Variants in SPIRE2 observed in about 807,000 individuals in gnomAD.
The protein encoded by SPIRE2 is spire type actin nucleation factor 2.
In SPIRE2, 76 loss-of-function variants were observed where a neutral mutation model predicts 80.7. The ratio of observed to expected loss-of-function variants is 0.94; its 90% CI spans 0.78 to 1.14. The LOEUF (loss-of-function observed/expected upper bound fraction) is 1.14, where lower values mean the gene tolerates loss of function less well. Among genes scored for constraint, SPIRE2 ranks in the 50% most tolerant of loss-of-function variants. SPIRE2 has a pLI of 0.00. For synonymous variants in SPIRE2, 535 were observed against 432.6 expected, an observed-to-expected ratio of 1.24 and a Z score of -2.94; for missense variants, 1,196 against 1,015.3, an observed-to-expected ratio of 1.18 and a Z score of -2.42.
At chr16:89,862,193 C>T (rs61607766) in intron 10 of SPIRE2, 24,954 of 151,736 alleles carry the variant, frequency 0.16, 3,075 homozygotes, top group East Asian at 0.63. Context: ...TTAGTAGAGA[C>T]GGGGTTTCAT....
At chr16:89,860,542 G>C (rs2041733610) in intron 9 of SPIRE2, 141 bp from the exon 10 acceptor site, 1 of 610,920 alleles carries the variant, frequency 1.6e-6, no homozygotes, top group South Asian at 1.9e-5. Context: ...TGCCCGTGTA[G>C]CTACTGCCCG....
intron 12 of SPIRE2, 108 bp from the exon 13 acceptor site, chr16:89,868,081 G>A (rs942023644): frequency 3.3e-6 from 4 of 1,216,256 alleles, no homozygotes; most frequent in Admixed American, 3.4e-5. Flanking sequence ...TCAGGCAGAA[G>A]GCAAGGATGG....
Position 89,863,957 on chromosome 16 carries a change from T to C in SPIRE2, c.1778+96T>C. ...ACAGAACTTCCTGTGATTCCAGGAA[T>C]GTTCTAGCATGTTCGATGGCTGATG... On this transcript the variant is annotated intron_variant, in intron 12 of 14. Transcript: ENST00000378247. The surrounding 1 kb of genome is among the most constrained non-coding windows in gnomAD (Gnocchi z 4.3). The C allele has an allele frequency of 1.2e-6, 1 of 857,606 alleles. No homozygotes were observed. Among genetic ancestry groups the C allele is most frequent in the Middle Eastern group, 2.3e-4 (1 of 4,292 alleles). 53.1% of individuals were successfully genotyped at this position (857,606 alleles called of 1,614,324 possible).
At chr16:89,858,909 G>C (rs892805466) in intron 8 of SPIRE2, among the ~76,000 whole-genome samples, 7 of 152,254 alleles carry the variant, frequency 4.6e-5, no homozygotes, top group Non-Finnish European at 1.0e-4. Context: ...TGATGGCCTT[G>C]TTGGGGGCCA....
At chr16:89,869,098 A>C (rs2041816816) in intron 13 of SPIRE2, among the ~76,000 whole-genome samples, 1 of 130,372 alleles carries the variant, frequency 7.7e-6, no homozygotes, top group Non-Finnish European at 1.6e-5. Flanking sequence ...GCCTCAGTTC[A>C]GAAGCAAAAC....
intron 1 of SPIRE2, among the ~76,000 whole-genome samples, chr16:89,833,753 C>T (rs2041411501): frequency 6.6e-6 from 1 of 152,216 alleles, no homozygotes; most frequent in South Asian, 2.1e-4. Context: ...CCTTGGGGAG[C>T]AGCACGTGTG....
chr16:89,864,347 G>A (rs1245464241), intron 12 of SPIRE2, among the ~76,000 whole-genome samples: 2 of 152,156 alleles, frequency 1.3e-5, no homozygotes, highest in Non-Finnish European at 2.9e-5. Context: ...AAGCCTCAGA[G>A]AAGGTCCCCC....
intron 13 of SPIRE2, 92 bp from the exon 14 acceptor site, chr16:89,869,475 G>C: frequency 1.2e-6 from 1 of 822,222 alleles, no homozygotes; most frequent in Non-Finnish European, 2.1e-6. Flanking sequence ...TGCCACGCAG[G>C]TCCCAGACTG....
At chr16:89,833,704 G>A (rs575432618) in intron 1 of SPIRE2, among the ~76,000 whole-genome samples, 1 of 152,220 alleles carries the variant, frequency 6.6e-6, no homozygotes, top group Non-Finnish European at 1.5e-5. Flanking sequence ...CAGTGGAGGT[G>A]GCAGCAAGGG....
rs74033892 is a variant in SPIRE2, at chr16:89,840,053, T to C, written c.245-5269T>C. On this transcript the variant is annotated intron_variant, in intron 1 of 14. Coordinates refer to ENST00000378247, the MANE Select transcript of SPIRE2 (RefSeq NM_032451.2). Reference sequence around the variant, plus strand: ...GCCAGTAGCCACAGGTTGGTCAGGATCTGACCTCCCACCAAACCCCTTGTC... The same window carrying C: ...GCCAGTAGCCACAGGTTGGTCAGGACCTGACCTCCCACCAAACCCCTTGTC... Among the ~76,000 whole-genome samples, 670 of 152,252 alleles carry C rather than the reference T, an allele frequency of 4.4e-3. 3 individuals are homozygous for C. Among genetic ancestry groups the C allele is most frequent in the African/African-American group, 0.016 (652 of 41,530 alleles).
chr16:89,870,446 C>T lies in SPIRE2; in HGVS notation c.*174C>T, dbSNP rs532534791. The T allele has an allele frequency of 2.1e-5, 12 of 558,172 alleles. No individual in the cohort carries two copies. In the Admixed American group the frequency reaches 2.8e-4, roughly 13 times the overall value. 34.6% of individuals were successfully genotyped at this position (558,172 alleles called of 1,614,324 possible). A position where few individuals can be genotyped will look rare whatever the true frequency, so the allele number is the denominator to read the frequency against. On this transcript the variant is annotated 3_prime_UTR_variant, in exon 15 of 15. Coordinates refer to ENST00000378247, the MANE Select transcript of SPIRE2 (RefSeq NM_032451.2). ...GCCCCAGAGCTCATTTGGGTTCAGGCGCACTTCAAAACCCTCCCTGGGGGA... is the reference window on the plus strand; with the variant it reads ...GCCCCAGAGCTCATTTGGGTTCAGGTGCACTTCAAAACCCTCCCTGGGGGA...
chr16:89,838,515 G>A (rs2041473074), intron 1 of SPIRE2, among the ~76,000 whole-genome samples: 1 of 152,036 alleles, frequency 6.6e-6, no homozygotes, highest in Admixed American at 6.6e-5. Context: ...TGATTTCTCT[G>A]TTTCATCAGC....
intron 14 of SPIRE2, 58 bp from the exon 15 acceptor site, chr16:89,869,992 A>AG (rs1282313108): frequency 1.6e-5 from 24 of 1,463,270 alleles, no homozygotes; most frequent in East Asian, 2.4e-5. Flanking sequence ...ACAAGCAGGG[A>AG]GGGGGGTGTG....
At chr16:89,841,175 C>A (rs1194639422) in intron 1 of SPIRE2, among the ~76,000 whole-genome samples, 1 of 150,704 alleles carries the variant, frequency 6.6e-6, no homozygotes, top group Non-Finnish European at 1.5e-5. Flanking sequence ...CAGAGCAACA[C>A]CTTGTTTCAA....
chr16:89,866,817 G>A lies in SPIRE2; in HGVS notation c.1779-1372G>A, dbSNP rs1286450474. Among the ~76,000 whole-genome samples, 3 of 149,846 alleles carry A rather than the reference G, an allele frequency of 2.0e-5. No individual in the cohort carries two copies. In the East Asian group the frequency reaches 6.0e-4, roughly 30 times the overall value. On this transcript the variant is annotated intron_variant, in intron 12 of 14. Transcript: ENST00000378247. Reference sequence around the variant, plus strand: ...GTAGAGACGGGGTTTCACCATGTTAGCCAGGATGGTCTCGATCTCCTGACC... The same window carrying A: ...GTAGAGACGGGGTTTCACCATGTTAACCAGGATGGTCTCGATCTCCTGACC...
At chr16:89,833,593 T>C (rs999008838) in intron 1 of SPIRE2, among the ~76,000 whole-genome samples, 2 of 152,242 alleles carry the variant, frequency 1.3e-5, no homozygotes, top group Non-Finnish European at 2.9e-5. Context: ...CTTGAGAAGC[T>C]TCGCCTTTGT....
At chr16:89,861,956 T>C (rs950561112) in intron 10 of SPIRE2, 1 of 151,780 alleles carries the variant, frequency 6.6e-6, no homozygotes, top group African/African-American at 2.4e-5. Flanking sequence ...AATGAGTCAC[T>C]AAGTCCAGCC....
Position 89,855,185 on chromosome 16 carries a change from A to G in SPIRE2, c.892-415A>G, listed in dbSNP as rs916082443. The stretch of plus-strand genomic sequence containing the variant: ...GATCTCCTGACCTTGTGATCTGCCC[A>G]CCTCGGCCTCCCAAAGTGCCAGGAT... On this transcript the variant is annotated intron_variant, in intron 5 of 14. Transcript: ENST00000378247. Among the ~76,000 whole-genome samples, 12 of 152,022 alleles carry G rather than the reference A, an allele frequency of 7.9e-5. No homozygotes were observed. The East Asian group carries it at 9.7e-4, about 12-fold the overall frequency.
At chr16:89,851,209 C>T (rs2041624286) in intron 3 of SPIRE2, among the ~76,000 whole-genome samples, 1 of 152,182 alleles carries the variant, frequency 6.6e-6, no homozygotes, top group African/African-American at 2.4e-5. Context: ...GTTATCCTCT[C>T]CCAGCGCGCA....
Sources: allele counts gnomAD v4.1 joint callset (sites outside exome capture counted in the v4.1 genomes callset), GRCh38; gene constraint gnomAD v4.1.1; non-coding constraint Gnocchi (gnomAD v3.1); transcripts MANE v1.5; gene names NCBI Gene and HGNC (gene_info 2026-07-23, HGNC 2026-07-21).